ITK: variants seen among roughly 807,000 people sequenced by gnomAD.
ITK encodes the protein tyrosine-protein kinase ITK/TSK.
Under a neutral mutation model 87.6 loss-of-function variants are expected in ITK, and 45 were observed. That is an observed-to-expected ratio of 0.51 (90% CI 0.40 to 0.66). The LOEUF (loss-of-function observed/expected upper bound fraction) is 0.66. Among genes scored for constraint, ITK ranks in the 30% least tolerant of loss-of-function variants. ITK has a pLI of 0.00. For missense variants in ITK, 605 were observed against 766.3 expected, an observed-to-expected ratio of 0.79 and a Z score of 2.48; for synonymous variants, 303 against 273.6, an observed-to-expected ratio of 1.11 and a Z score of -1.06.
intron 6 of ITK, among the ~76,000 whole-genome samples, chr5:157,223,281 C>T (rs1754463962): frequency 6.6e-6 from 1 of 152,142 alleles, no homozygotes; most frequent in African/African-American, 2.4e-5. Flanking sequence ...TAAAAAACCC[C>T]CTGGATTTTT....
intron 1 of ITK, among the ~76,000 whole-genome samples, chr5:157,196,586 C>T (rs2113743366): frequency 6.6e-6 from 1 of 152,246 alleles, no homozygotes; most frequent in East Asian, 1.9e-4. Context: ...TTTTATCCAC[C>T]TGCCAATTTT....
At chr5:157,205,574 C>A (rs1217465381) in intron 1 of ITK, among the ~76,000 whole-genome samples, 1 of 152,054 alleles carries the variant, frequency 6.6e-6, no homozygotes, top group Non-Finnish European at 1.5e-5. Flanking sequence ...ATAAAATAGG[C>A]AATAATAATA....
intron 8 of ITK, among the ~76,000 whole-genome samples, chr5:157,237,705 G>A (rs1754805248): frequency 6.6e-6 from 1 of 152,206 alleles, no homozygotes; most frequent in Non-Finnish European, 1.5e-5. Flanking sequence ...TCCGAATTCT[G>A]TCACTTTCTA....
At chr5:157,221,256 A>G (rs888906166) in intron 5 of ITK, among the ~76,000 whole-genome samples, 1 of 152,122 alleles carries the variant, frequency 6.6e-6, no homozygotes, top group Non-Finnish European at 1.5e-5. Flanking sequence ...TTGGGACTCA[A>G]CTACAGCATT....
intron 3 of ITK, chr5:157,213,520 G>A (rs1754234513): frequency 2.3e-6 from 1 of 436,236 alleles, no homozygotes; most frequent in Non-Finnish European, 4.5e-6. Flanking sequence ...TGGGACTACA[G>A]GTGCATGACA....
chr5:157,233,053 C>T (rs916948851), intron 8 of ITK, among the ~76,000 whole-genome samples: 1 of 152,114 alleles, frequency 6.6e-6, no homozygotes, highest in African/African-American at 2.4e-5. Flanking sequence ...AGATTAAGGG[C>T]GAAAGGGAAG....
At chr5:157,213,589 C>T (rs1754236648) in intron 3 of ITK, 1 of 453,816 alleles carries the variant, frequency 2.2e-6, no homozygotes, top group African/African-American at 2.0e-5. Flanking sequence ...GCTATGTTGC[C>T]TAGGCTAATC....
At chr5:157,218,283 T>A (rs1475731571) in intron 5 of ITK, among the ~76,000 whole-genome samples, 1 of 151,976 alleles carries the variant, frequency 6.6e-6, no homozygotes, top group African/African-American at 2.4e-5. Context: ...AGTGGGAGGA[T>A]CGCTTGAGCC....
At chr5:157,244,852 A>C in intron 13 of ITK, 2 of 290,292 alleles carry the variant, frequency 6.9e-6, no homozygotes, top group Non-Finnish European at 1.4e-5. Flanking sequence ...CCCTTAAGCT[A>C]CTCTCAGAAT....
At chr5:157,215,091 C>T (rs1754272245) in intron 4 of ITK, among the ~76,000 whole-genome samples, 1 of 152,142 alleles carries the variant, frequency 6.6e-6, no homozygotes, top group Non-Finnish European at 1.5e-5. Context: ...TGCTCTTGTT[C>T]CTCTCAACCA....
At chr5:157,187,787 C>A (rs1016475624) in intron 1 of ITK, among the ~76,000 whole-genome samples, 1 of 151,942 alleles carries the variant, frequency 6.6e-6, no homozygotes, top group African/African-American at 2.4e-5. Flanking sequence ...CAGCTAAAGC[C>A]TCCGTAGATA....
In ITK at chr5:157,217,772, C is replaced by A. The variant is rs531906688; in HGVS notation, c.455-95C>A. The A allele has an allele frequency of 3.1e-4, 318 of 1,028,532 alleles. 1 individual carries two copies. In the African/African-American group the frequency reaches 4.5e-3, roughly 14 times the overall value. 63.7% of individuals were successfully genotyped at this position (1,028,532 alleles called of 1,614,324 possible). On this transcript the variant is annotated intron_variant, in intron 4 of 16. Transcript: ENST00000422843. ...CCTTTCTTCTGTTGTTTTCCCTGGG[C>A]CCTTTTTCTCAGAAAAACCCCCTGG...
At chr5:157,241,585 A>AGTAG (rs1297596138) in intron 10 of ITK, 61 bp from the exon 11 acceptor site, 1 of 1,127,400 alleles carries the variant, frequency 8.9e-7, no homozygotes. Context: ...TAGTGATTTA[A>AGTAG]GTTAGATGGT....
In ITK at chr5:157,207,317, T is replaced by C. The variant is rs1028049437; in HGVS notation, c.139-1572T>C. Among the ~76,000 whole-genome samples, 5 of 148,412 alleles carry C rather than the reference T, an allele frequency of 3.4e-5. 1 individual carries two copies. The highest frequency in any genetic ancestry group is 4.3e-4 in the South Asian group (2 of 4,606). ...TTCTGATACACATACTAGTCTACTC[T>C]GGAAACACCCTCACAGACACACCCC... On this transcript the variant is annotated intron_variant, in intron 1 of 16. Transcript: ENST00000422843.
intron 12 of ITK, 139 bp downstream of exon 12, chr5:157,243,933 C>T: frequency 1.2e-6 from 1 of 814,600 alleles, no homozygotes; most frequent in Non-Finnish European, 2.1e-6. Flanking sequence ...ACAGAGAATA[C>T]AATCAAACTC....
chr5:157,231,847 A>G (rs746566512), intron 7 of ITK, among the ~76,000 whole-genome samples: 25 of 152,254 alleles, frequency 1.6e-4, no homozygotes, highest in Non-Finnish European at 2.5e-4. Context: ...GGAAAATACT[A>G]CAGTTGTTTT....
At chr5:157,183,329 G>C (rs897735072) in intron 1 of ITK, among the ~76,000 whole-genome samples, 3 of 152,052 alleles carry the variant, frequency 2.0e-5, no homozygotes, top group Non-Finnish European at 4.4e-5. Flanking sequence ...TTAAATTAAA[G>C]GCTTCATTTT....
chr5:157,216,196 C>G (rs925250316), intron 4 of ITK, among the ~76,000 whole-genome samples: 1 of 152,202 alleles, frequency 6.6e-6, no homozygotes, highest in African/African-American at 2.4e-5. Flanking sequence ...AAGAAGCACA[C>G]TGCACTGTGA....
chr5:157,233,179 T>C (rs1190223579), intron 8 of ITK, among the ~76,000 whole-genome samples: 13 of 152,152 alleles, frequency 8.5e-5, no homozygotes, highest in Non-Finnish European at 1.2e-4. Flanking sequence ...CCTCGGTTTC[T>C]CAGTGAGTAG....
Sources: allele counts gnomAD v4.1 joint callset (sites outside exome capture counted in the v4.1 genomes callset), GRCh38; gene constraint gnomAD v4.1.1; transcripts MANE v1.5; gene names NCBI Gene and HGNC (gene_info 2026-07-23, HGNC 2026-07-21).